MERTK: variants seen among roughly 807,000 people sequenced by gnomAD.
MERTK encodes MER proto-oncogene, tyrosine kinase, also known as tyrosine-protein kinase Mer.
MERTK carries 69 observed loss-of-function variants against 99.3 expected under a neutral mutation model. That is an observed-to-expected ratio of 0.70 (90% CI 0.57 to 0.85). The LOEUF (loss-of-function observed/expected upper bound fraction) is 0.85. MERTK is among the 40% of genes least tolerant of loss of function. The pLI is 0.00. For missense variants in MERTK, 1,125 were observed against 1,249.4 expected (o/e 0.90, Z 1.50); for synonymous variants, 426 against 467.6 (o/e 0.91, Z 1.15).
At chr2:111,984,721 G>A (rs1283576369) in intron 8 of MERTK, among the ~76,000 whole-genome samples, 1 of 152,160 alleles carries the variant, frequency 6.6e-6, no homozygotes, top group Admixed American at 6.5e-5. Flanking sequence ...CTTCTTTCAT[G>A]AATAATTACA....
At chr2:111,905,528 G>T (rs530114108) in intron 1 of MERTK, among the ~76,000 whole-genome samples, 11 of 149,324 alleles carry the variant, frequency 7.4e-5, no homozygotes, top group Non-Finnish European at 1.6e-4. Flanking sequence ...AGCCTCCTGG[G>T]TTCAAGCGAT....
At chr2:112,002,453 T>C (rs1676888097) in intron 11 of MERTK, among the ~76,000 whole-genome samples, 1 of 152,146 alleles carries the variant, frequency 6.6e-6, no homozygotes, top group African/African-American at 2.4e-5. Flanking sequence ...CACCAGAAAT[T>C]ACCTATTGAC....
At chr2:111,985,339 C>T (rs1676454217) in intron 8 of MERTK, among the ~76,000 whole-genome samples, 1 of 152,078 alleles carries the variant, frequency 6.6e-6, no homozygotes, top group Non-Finnish European at 1.5e-5. Flanking sequence ...GGTTCCCTTC[C>T]CACCTGGGAA....
rs1034967477 is a variant in MERTK, at chr2:111,918,082, A to G, written c.62-11038A>G. Reference sequence around the variant, plus strand: ...TTCCCTCTCCCCTTAGCCACTGGCAACCACCATCCTATCTATATTCTGTTC... The same window carrying G: ...TTCCCTCTCCCCTTAGCCACTGGCAGCCACCATCCTATCTATATTCTGTTC... On this transcript the variant is annotated intron_variant, in intron 1 of 18. Coordinates refer to ENST00000295408, the MANE Select transcript of MERTK (RefSeq NM_006343.3). 5.9e-5 allele frequency among the ~76,000 whole-genome samples: 9 copies of G among 152,164 alleles called. No homozygotes were observed. The South Asian group carries it at 1.4e-3, about 24-fold the overall frequency.
At chr2:111,916,199 T>G (rs901187348) in intron 1 of MERTK, among the ~76,000 whole-genome samples, 1 of 152,158 alleles carries the variant, frequency 6.6e-6, no homozygotes, top group Admixed American at 6.5e-5. Context: ...CCATCTTGGC[T>G]CACTGCAAGC....
At chr2:111,954,102 G>A (rs936609815) in intron 4 of MERTK, among the ~76,000 whole-genome samples, 4 of 152,076 alleles carry the variant, frequency 2.6e-5, no homozygotes. Context: ...CTCATTCCTG[G>A]CATGACTCCC....
chr2:111,980,579 C>T (rs964305609), intron 7 of MERTK, among the ~76,000 whole-genome samples: 28 of 152,060 alleles, frequency 1.8e-4, no homozygotes, highest in Admixed American at 5.2e-4. Context: ...CCACCACGCC[C>T]GGCTAATTTT....
intron 15 of MERTK, among the ~76,000 whole-genome samples, chr2:112,017,338 T>C (rs1172572152): frequency 6.6e-6 from 1 of 152,148 alleles, no homozygotes; most frequent in Non-Finnish European, 1.5e-5. Context: ...CACTGATTGG[T>C]GCATTTACAA....
In MERTK at chr2:111,964,664, C is replaced by T. The variant is rs140136665; in HGVS notation, c.758-527C>T. Among the ~76,000 whole-genome samples the T allele has an allele frequency of 1.8e-3, 277 of 152,246 alleles. 1 individual carries two copies. The highest frequency in any genetic ancestry group is 3.4e-3 in the Middle Eastern group (1 of 294). ...TCATTTAGCACTAGTGTCTTCTCTT[C>T]GATTAGTTATAACGCCTTGCATTTA... On this transcript the variant is annotated intron_variant, in intron 4 of 18. Coordinates refer to ENST00000295408, the MANE Select transcript of MERTK (RefSeq NM_006343.3).
rs182649874 is a variant in MERTK at position 111,916,100 on chromosome 2, A to G, written c.62-13020A>G. On this transcript the variant is annotated intron_variant, in intron 1 of 18. Coordinates refer to ENST00000295408, the MANE Select transcript of MERTK (RefSeq NM_006343.3). The stretch of plus-strand genomic sequence containing the variant: ...TTGTTGGGAAGAGTGTTCTATAAAT[A>G]TAGATTATATTTTTTTCTTTTCTTT... Among the ~76,000 whole-genome samples the G allele has an allele frequency of 5.9e-5, 9 of 152,196 alleles. No individual in the cohort carries two copies. The East Asian group carries it at 1.5e-3, about 26-fold the overall frequency.
chr2:111,927,564 C>T (rs376309892), intron 1 of MERTK, among the ~76,000 whole-genome samples: 49 of 152,214 alleles, frequency 3.2e-4, no homozygotes, highest in East Asian at 2.7e-3. Context: ...ACAACCTACT[C>T]GGGAGGCTGA....
At chr2:112,011,582 C>T (rs564366323) in intron 15 of MERTK, among the ~76,000 whole-genome samples, 1 of 152,156 alleles carries the variant, frequency 6.6e-6, no homozygotes, top group South Asian at 2.1e-4. Context: ...AACCCCATCT[C>T]TCATGAAAAA....
At chr2:111,933,337 T>C (rs1684707889) in intron 2 of MERTK, among the ~76,000 whole-genome samples, 1 of 152,160 alleles carries the variant, frequency 6.6e-6, no homozygotes, top group Non-Finnish European at 1.5e-5. Context: ...TAAAAAATAG[T>C]TTTAGGCTTT....
At chr2:111,930,260 T>G (rs1283748104) in intron 2 of MERTK, 4 of 152,242 alleles carry the variant, frequency 2.6e-5, no homozygotes, top group Admixed American at 1.3e-4. Context: ...GGCTATAGTG[T>G]GCTATGCCAA....
chr2:112,018,802 T>C (rs114772024), intron 15 of MERTK, among the ~76,000 whole-genome samples: 1,989 of 152,318 alleles, frequency 0.013, 52 homozygotes, highest in African/African-American at 0.046. Context: ...TTGAAACTTA[T>C]AGGCAGGGCC....
intron 7 of MERTK, among the ~76,000 whole-genome samples, chr2:111,976,544 GT>G (rs1676255694): frequency 2.1e-5 from 3 of 144,458 alleles, no homozygotes; most frequent in Admixed American, 1.4e-4. Flanking sequence ...GTGTGTGTGT[GT>G]GTGTGTGTGT....
intron 2 of MERTK, among the ~76,000 whole-genome samples, chr2:111,942,281 T>C (rs1684878388): frequency 6.6e-6 from 1 of 152,218 alleles, no homozygotes; most frequent in Non-Finnish European, 1.5e-5. Context: ...AGTGGATTTG[T>C]GAAATATGTA....
chr2:112,028,540 ACTGGACTTGAACATCGACC>A lies in MERTK; in HGVS notation c.2680_2698del (p.Asp894ThrfsTer3). ...TGGCCCAGGGCTCCACCCTTGCTCC[ACTGGACTTGAACATCGACC>A]CTGACTCTATAATTGCCTCCTGCAC... On this transcript the variant is annotated frameshift_variant, in exon 19 of 19. Transcript: ENST00000295408. LOFTEE classifies it low-confidence loss of function (END_TRUNC). The A allele has an allele frequency of 6.2e-7, 1 of 1,614,134 alleles. No homozygotes were observed. Among genetic ancestry groups the A allele is most frequent in the Non-Finnish European group, 8.5e-7 (1 of 1,180,010 alleles).
Position 111,898,686 on chromosome 2 carries a change from G to A in MERTK, c.-50G>A, listed in dbSNP as rs775598984. 3.8e-6 allele frequency: 6 copies of A among 1,581,438 alleles called. No homozygotes were observed. The Admixed American group carries it at 1.1e-4, about 28-fold the overall frequency. Reference sequence around the variant, plus strand: ...GCCGGCGACAGGACAGGTTCGGGACGTCCATCTGTCCATCCGTCCGGAGAG... The same window carrying A: ...GCCGGCGACAGGACAGGTTCGGGACATCCATCTGTCCATCCGTCCGGAGAG... On this transcript the variant is annotated 5_prime_UTR_variant, in exon 1 of 19. Coordinates refer to ENST00000295408, the MANE Select transcript of MERTK (RefSeq NM_006343.3).
Sources: allele counts gnomAD v4.1 joint callset (sites outside exome capture counted in the v4.1 genomes callset), GRCh38; gene constraint gnomAD v4.1.1; transcripts MANE v1.5; gene names NCBI Gene and HGNC (gene_info 2026-07-23, HGNC 2026-07-21).